PGCKA1: variants seen among roughly 807,000 people sequenced by gnomAD.
PGCKA1 encodes the protein PDCD10 and GCKIII kinases associated 1, also known as PDCD10 and GCKIII kinases-associated protein 1.
the PGCKA1 span, among the ~76,000 whole-genome samples, chr4:37,580,444 G>A: frequency 1.3e-5 from 2 of 151,802 alleles, no homozygotes; most frequent in Admixed American, 6.6e-5. Context: ...TCAGGTATTC[G>A]AAGGGACTTG....
At chr4:37,499,640 G>A in the PGCKA1 span, among the ~76,000 whole-genome samples, 5 of 151,938 alleles carry the variant, frequency 3.3e-5, no homozygotes, top group African/African-American at 9.7e-5. Flanking sequence ...TGTGGTCAGT[G>A]GTAATATCCC....
At chr4:37,530,971 C>A in the PGCKA1 span, among the ~76,000 whole-genome samples, 1 of 151,684 alleles carries the variant, frequency 6.6e-6, no homozygotes, top group Non-Finnish European at 1.5e-5. Flanking sequence ...GGCGACAGAA[C>A]GAGACTCTGT....
chr4:37,538,356 G>C, the PGCKA1 span, among the ~76,000 whole-genome samples: 1 of 152,202 alleles, frequency 6.6e-6, no homozygotes, highest in Non-Finnish European at 1.5e-5. Context: ...TGAGAAAATT[G>C]AGACAGAATA....
At chr4:37,553,041 C>T in the PGCKA1 span, among the ~76,000 whole-genome samples, 29 of 137,176 alleles carry the variant, frequency 2.1e-4, no homozygotes, top group Non-Finnish European at 3.7e-4. Context: ...CTCATTTTTC[C>T]ATAAAGCCTT....
chr4:37,572,048 CTTTTTTTTTTTTTTCT>C, the PGCKA1 span, among the ~76,000 whole-genome samples: 1 of 111,630 alleles, frequency 9.0e-6, no homozygotes, highest in Non-Finnish European at 1.8e-5. Flanking sequence ...AACTTCACAC[CTTTTTTTTTTTTTTCT>C]TTTTTTTTTT....
the PGCKA1 span, among the ~76,000 whole-genome samples, chr4:37,475,197 C>G: frequency 6.6e-6 from 1 of 152,164 alleles, no homozygotes; most frequent in Non-Finnish European, 1.5e-5. Context: ...AATGCAACCA[C>G]AAGAGTGCCT....
At chr4:37,540,945 C>CT in the PGCKA1 span, among the ~76,000 whole-genome samples, 13,201 of 146,480 alleles carry the variant, frequency 0.09, 1,868 homozygotes, top group African/African-American at 0.3. Flanking sequence ...AAAAAAACCC[C>CT]TTTTTTTTTT....
chr4:37,562,080 A>G, the PGCKA1 span, among the ~76,000 whole-genome samples: 69,056 of 151,844 alleles, frequency 0.45, 16,476 homozygotes, highest in South Asian at 0.54. Flanking sequence ...GAAGAAACCC[A>G]TTTACAGTAT....
At chr4:37,480,843 G>A in the PGCKA1 span, among the ~76,000 whole-genome samples, 1 of 152,246 alleles carries the variant, frequency 6.6e-6, no homozygotes, top group Non-Finnish European at 1.5e-5. Flanking sequence ...GCTGACCTTA[G>A]CCATTAGGCT....
At chr4:37,561,244 T>G in the PGCKA1 span, among the ~76,000 whole-genome samples, 1 of 151,918 alleles carries the variant, frequency 6.6e-6, no homozygotes, top group African/African-American at 2.4e-5. Context: ...CAATCCTCCT[T>G]ATATGCTCAT....
chr4:37,537,243 AT>A, the PGCKA1 span, among the ~76,000 whole-genome samples: 1 of 152,130 alleles, frequency 6.6e-6, no homozygotes, highest in African/African-American at 2.4e-5. Flanking sequence ...TGTCCCTAAT[AT>A]TTCCTTTTGC....
chr4:37,590,757 T>C, the PGCKA1 span: 1 of 1,613,850 alleles, frequency 6.2e-7, no homozygotes, highest in South Asian at 1.1e-5. Flanking sequence ...CGCCCTTCTC[T>C]GTGAGGAGAA....
chr4:37,498,451 G>A, the PGCKA1 span, among the ~76,000 whole-genome samples: 3 of 152,100 alleles, frequency 2.0e-5, no homozygotes, highest in Non-Finnish European at 4.4e-5. Context: ...AATGATGATG[G>A]TATTTTGGTG....
chr4:37,586,475 G>A, the PGCKA1 span, among the ~76,000 whole-genome samples: 32 of 152,304 alleles, frequency 2.1e-4, no homozygotes, highest in East Asian at 3.3e-3. Context: ...CGGCTGGTCC[G>A]AGGGACTCTT....
the PGCKA1 span, among the ~76,000 whole-genome samples, chr4:37,491,453 G>GT: frequency 6.6e-6 from 1 of 152,128 alleles, no homozygotes; most frequent in Non-Finnish European, 1.5e-5. Context: ...CCTGGAGTTA[G>GT]TTTTTTTACT....
At chr4:37,475,469 T>C in the PGCKA1 span, among the ~76,000 whole-genome samples, 1 of 152,142 alleles carries the variant, frequency 6.6e-6, no homozygotes, top group African/African-American at 2.4e-5. Context: ...AAAATAAACA[T>C]TTTTTAAAAA....
At chr4:37,504,668 T>C in the PGCKA1 span, among the ~76,000 whole-genome samples, 1 of 152,190 alleles carries the variant, frequency 6.6e-6, no homozygotes, top group Non-Finnish European at 1.5e-5. Context: ...CTAGGTATTT[T>C]ATTTTATGTG....
At chr4:37,534,707 A>C in the PGCKA1 span, among the ~76,000 whole-genome samples, 1 of 152,186 alleles carries the variant, frequency 6.6e-6, no homozygotes. Context: ...GTGTCCTTAC[A>C]GGGCAGAAGG....
chr4:37,543,791 G>T, the PGCKA1 span, among the ~76,000 whole-genome samples: 1 of 151,022 alleles, frequency 6.6e-6, no homozygotes, highest in Non-Finnish European at 1.5e-5. Context: ...CCGAGATAGC[G>T]CCACTGCACT....
Sources: gnomAD v4.1 joint callset for allele counts (sites outside exome capture counted in the v4.1 genomes callset) on GRCh38, gnomAD v4.1.1 for gene constraint, MANE v1.5 for transcripts, NCBI Gene and HGNC (gene_info 2026-07-23, HGNC 2026-07-21) for gene names.